PAX5: variants seen among roughly 807,000 people sequenced by gnomAD.
The protein encoded by PAX5 is paired box protein Pax-5.
In PAX5, 9 loss-of-function variants were observed where a neutral mutation model predicts 43.7. The observed-to-expected ratio is 0.21, with a 90% confidence interval of 0.12 to 0.36. PAX5 has a LOEUF of 0.36. PAX5 is among the 10% of genes least tolerant of loss of function. The pLI is 1.00. For synonymous variants in PAX5, 228 were observed against 214.3 expected (o/e 1.06, Z -0.56); for missense variants, 383 against 532.7 (o/e 0.72, Z 2.77).
intron 7 of PAX5, among the ~76,000 whole-genome samples, chr9:36,919,682 A>C (rs1829983064): frequency 6.6e-6 from 1 of 151,864 alleles, no homozygotes; most frequent in Admixed American, 6.6e-5. Flanking sequence ...CTCTACTAAA[A>C]ATACAAAAAT....
intron 5 of PAX5, among the ~76,000 whole-genome samples, chr9:36,975,852 T>C (rs1159658481): frequency 6.6e-6 from 1 of 152,212 alleles, no homozygotes; most frequent in South Asian, 2.1e-4. Context: ...TTTCCAGAAT[T>C]AGTATTTTTT....
intron 2 of PAX5, among the ~76,000 whole-genome samples, chr9:37,017,155 T>C (rs1357113101): frequency 6.6e-6 from 1 of 152,242 alleles, no homozygotes; most frequent in African/African-American, 2.4e-5. Flanking sequence ...GTCAATTTTA[T>C]AATGTAAAGC....
Position 37,002,680 on chromosome 9 carries a change from C to A in PAX5, c.572G>T (p.Ser191Ile). 3 of 1,611,714 alleles carry A rather than the reference C, an allele frequency of 1.9e-6. No homozygotes were observed. Among genetic ancestry groups the A allele is most frequent in the Non-Finnish European group, 2.5e-6 (3 of 1,179,236 alleles). ...ISGILGITSP[S>I]ADTNKRKRDE... ...TCTCTTGCGCTTGTTGGTGTCGGCG[C>A]TGGGGGACGTGATGCCCAGGATGCC... Residue 191 changes from serine to isoleucine, a missense_variant, in exon 5 of 10, where the codon AGC becomes ATC. Transcript: ENST00000358127.
chr9:36,849,803 G>T (rs1482956197), intron 8 of PAX5, among the ~76,000 whole-genome samples: 4 of 152,212 alleles, frequency 2.6e-5, no homozygotes, highest in African/African-American at 7.2e-5. Context: ...CCTGCCCTAT[G>T]AGAGCAATAC....
At chr9:36,867,084 C>T (rs897521687) in intron 8 of PAX5, among the ~76,000 whole-genome samples, 3 of 151,420 alleles carry the variant, frequency 2.0e-5, no homozygotes, top group East Asian at 1.9e-4. Flanking sequence ...TGGTTGGTCT[C>T]CTGCTTCCCA....
intron 7 of PAX5, among the ~76,000 whole-genome samples, chr9:36,922,430 C>T (rs888280384): frequency 6.6e-6 from 1 of 152,182 alleles, no homozygotes; most frequent in Non-Finnish European, 1.5e-5. Context: ...CCTGCCTGCC[C>T]GGTTGGACAA....
intron 5 of PAX5, among the ~76,000 whole-genome samples, chr9:36,981,185 G>GGCCC (rs1554676937): frequency 1.6e-4 from 17 of 106,488 alleles, no homozygotes; most frequent in South Asian, 3.2e-4. Context: ...AAACAGCAAA[G>GGCCC]CCCCCCCCCC....
chr9:36,863,656 A>C (rs1335615669), intron 8 of PAX5, among the ~76,000 whole-genome samples: 1 of 152,216 alleles, frequency 6.6e-6, no homozygotes, highest in South Asian at 2.1e-4. Flanking sequence ...ACTAGGCTCT[A>C]TCTTGGTACT....
chr9:36,980,801 C>T (rs1014583693), intron 5 of PAX5, among the ~76,000 whole-genome samples: 9 of 152,074 alleles, frequency 5.9e-5, no homozygotes, highest in Non-Finnish European at 4.4e-5. Flanking sequence ...GTGAGTGACT[C>T]ACTGGAGGTA....
Position 36,835,988 on chromosome 9 carries a change from T to A in PAX5, c.*4572A>T. The A allele has an allele frequency of 4.3e-6, 1 of 233,442 alleles. No individual in the cohort carries two copies. The highest frequency in any genetic ancestry group is 8.5e-6 in the Non-Finnish European group (1 of 118,192). 14.5% of individuals were successfully genotyped at this position (233,442 alleles called of 1,614,324 possible). A position where few individuals can be genotyped will look rare whatever the true frequency, so the allele number is the denominator to read the frequency against. On this transcript the variant is annotated 3_prime_UTR_variant, in exon 10 of 10. Coordinates refer to ENST00000358127, the MANE Select transcript of PAX5 (RefSeq NM_016734.3). Reference sequence around the variant, plus strand: ...GGGCTGTGTCAGGGTGCTTGGTTGGTTTTTAAGATTTGCTTCCCTGGCTTG... The same window carrying A: ...GGGCTGTGTCAGGGTGCTTGGTTGGATTTTAAGATTTGCTTCCCTGGCTTG...
At chr9:37,010,152 C>T (rs188950992) in intron 3 of PAX5, among the ~76,000 whole-genome samples, 29 of 152,290 alleles carry the variant, frequency 1.9e-4, no homozygotes, top group Non-Finnish European at 1.3e-4. Flanking sequence ...CAAGACTCAT[C>T]CAATAAGAAC....
At chr9:37,028,499 C>G (rs1240570391) in intron 1 of PAX5, among the ~76,000 whole-genome samples, 1 of 152,162 alleles carries the variant, frequency 6.6e-6, no homozygotes, top group East Asian at 1.9e-4. Flanking sequence ...CGCACCAGGG[C>G]GCACCTGGGT....
chr9:36,863,833 G>A (rs1587798183), intron 8 of PAX5, among the ~76,000 whole-genome samples: 1 of 152,176 alleles, frequency 6.6e-6, no homozygotes, highest in African/African-American at 2.4e-5. Context: ...AGTAGGGGCC[G>A]GGCGCAGTGG....
chr9:36,991,420 A>G (rs1374178037), intron 5 of PAX5, among the ~76,000 whole-genome samples: 2 of 152,090 alleles, frequency 1.3e-5, no homozygotes, highest in Non-Finnish European at 2.9e-5. Context: ...CAAGGCCCAG[A>G]GAGAAGTGAC....
intron 6 of PAX5, among the ~76,000 whole-genome samples, chr9:36,931,805 C>T (rs113166035): frequency 2.8e-4 from 41 of 145,638 alleles, no homozygotes; most frequent in Admixed American, 2.6e-3. Flanking sequence ...GAGCCGAGAT[C>T]GAGCCACTGC....
rs1413490334 is a variant in PAX5, at chr9:36,834,729, C to T, written c.*5831G>A. The T allele has an allele frequency of 4.3e-6, 1 of 232,818 alleles. No homozygotes were observed. 14.4% of individuals were successfully genotyped at this position (232,818 alleles called of 1,614,324 possible). ...ATGCGCCGTTTGTAAATCAAAAATC[C>T]ATCATCCAAAATCACTTGTTCTTAA... On this transcript the variant is annotated 3_prime_UTR_variant, in exon 10 of 10. Transcript: ENST00000358127.
intron 5 of PAX5, among the ~76,000 whole-genome samples, chr9:36,969,220 C>T (rs983104997): frequency 6.6e-6 from 1 of 152,220 alleles, no homozygotes; most frequent in African/African-American, 2.4e-5. Context: ...TGAGGCCTGG[C>T]TCTGTCCCCA....
chr9:36,911,524 G>A (rs180916813), intron 7 of PAX5, among the ~76,000 whole-genome samples: 53 of 152,348 alleles, frequency 3.5e-4, no homozygotes, highest in African/African-American at 1.0e-3. Context: ...CCCCGTGGCC[G>A]ACACTCAGTT....
chr9:37,027,341 T>C (rs1840496804), intron 1 of PAX5, among the ~76,000 whole-genome samples: 1 of 152,152 alleles, frequency 6.6e-6, no homozygotes, highest in African/African-American at 2.4e-5. Flanking sequence ...TGCTCGCCCA[T>C]CGCTGGGACC....
Sources: allele counts gnomAD v4.1 joint callset (sites outside exome capture counted in the v4.1 genomes callset), GRCh38; gene constraint gnomAD v4.1.1; transcripts MANE v1.5; gene names NCBI Gene and HGNC (gene_info 2026-07-23, HGNC 2026-07-21).